Variants in LINGO2 observed in about 807,000 individuals in gnomAD.
LINGO2 encodes leucine rich repeat and Ig domain containing 2, also known as leucine-rich repeat and immunoglobulin-like domain-containing nogo receptor-interacting protein 2.
LINGO2 carries 14 observed loss-of-function variants against 30.6 expected under a neutral mutation model. The observed-to-expected ratio is 0.46, with a 90% CI of 0.30 to 0.72. LINGO2 has a LOEUF of 0.72. Ranked by LOEUF, LINGO2 falls within the 30% of genes least tolerant of loss-of-function variation. LINGO2 has a pLI of 0.07. For missense variants in LINGO2, 729 were observed against 751.7 expected (o/e 0.97, Z 0.35); for synonymous variants, 317 against 288.5 (o/e 1.10, Z -1.00).
intron 1 of LINGO2, among the ~76,000 whole-genome samples, chr9:28,568,336 TG>T (rs1221894153): frequency 2.0e-5 from 3 of 151,658 alleles, no homozygotes; most frequent in Non-Finnish European, 4.4e-5. Flanking sequence ...GGGTAGAGGG[TG>T]GGGTGAGGGA....
chr9:28,419,285 G>GT (rs1823091911), intron 2 of LINGO2, among the ~76,000 whole-genome samples: 2 of 151,902 alleles, frequency 1.3e-5, no homozygotes, highest in Non-Finnish European at 1.5e-5. Context: ...TTGAATTTTT[G>GT]TTTTTTCTCA....
chr9:29,109,732 TG>T, the LINGO2 span, among the ~76,000 whole-genome samples: 1 of 152,238 alleles, frequency 6.6e-6, no homozygotes, highest in East Asian at 1.9e-4. Flanking sequence ...CTGTACCTTT[TG>T]CAACGCATAG....
At chr9:28,047,830 C>CAGA (rs1388788386) in intron 4 of LINGO2, among the ~76,000 whole-genome samples, 1 of 150,330 alleles carries the variant, frequency 6.7e-6, no homozygotes, top group Non-Finnish European at 1.5e-5. Flanking sequence ...TATAAATCTT[C>CAGA]AGAAGAATAA....
chr9:28,617,313 C>CTTTTTTTTTTTTTTTTTTTTTTTTTTT lies in LINGO2; in HGVS notation c.-365+52886_-365+52887insAAAAAAAAAAAAAAAAAAAAAAAAAAA, dbSNP rs1563867137. Among the ~76,000 whole-genome samples the CTTTTTTTTTTTTTTTTTTTTTTTTTTT allele has an allele frequency of 1.1e-3, 157 of 141,594 alleles. 1 individual carries two copies. The highest frequency in any genetic ancestry group is 3.9e-3 in the African/African-American group (138 of 35,404). 92.9% of individuals were successfully genotyped at this position (141,594 alleles called of 152,430 possible). A position where few individuals can be genotyped will look rare whatever the true frequency, so the allele number is the denominator to read the frequency against. ...CTTTCTTTTCTTTTCTTTTTTTTTT[C>CTTTTTTTTTTTTTTTTTTTTTTTTTTT]GAGACAGAGTCTCGCTCTGTCGCCC... is the stretch of plus-strand genomic sequence containing the variant. On this transcript the variant is annotated intron_variant, in intron 1 of 5. Coordinates refer to ENST00000379992, the Ensembl canonical transcript of LINGO2.
At chr9:28,001,641 AG>A (rs1324672762) in intron 5 of LINGO2, among the ~76,000 whole-genome samples, 1 of 152,188 alleles carries the variant, frequency 6.6e-6, no homozygotes, top group Non-Finnish European at 1.5e-5. Context: ...TCCGGGGAAA[AG>A]ATAGGACCAT....
chr9:28,200,730 A>C (rs1820199719), intron 4 of LINGO2, among the ~76,000 whole-genome samples: 1 of 152,170 alleles, frequency 6.6e-6, no homozygotes, highest in Admixed American at 6.5e-5. Context: ...ATAAATAAGT[A>C]CCCTCCAGTC....
chr9:29,199,745 T>C, the LINGO2 span, among the ~76,000 whole-genome samples: 1 of 152,124 alleles, frequency 6.6e-6, no homozygotes, highest in Non-Finnish European at 1.5e-5. Context: ...TATTCTCTAA[T>C]AGTAAATGAA....
At chr9:29,172,041 T>C in the LINGO2 span, among the ~76,000 whole-genome samples, 2 of 151,922 alleles carry the variant, frequency 1.3e-5, no homozygotes, top group East Asian at 1.9e-4. Context: ...AAACAGTGTA[T>C]ATTTGACCAA....
intron 3 of LINGO2, among the ~76,000 whole-genome samples, chr9:28,303,897 G>C (rs535012386): frequency 6.6e-6 from 1 of 151,992 alleles, no homozygotes; most frequent in Non-Finnish European, 1.5e-5. Context: ...AACTTTTACT[G>C]ACAAAAATCC....
At chr9:29,099,832 G>A in the LINGO2 span, among the ~76,000 whole-genome samples, 6 of 148,876 alleles carry the variant, frequency 4.0e-5, no homozygotes, top group South Asian at 2.1e-4. Flanking sequence ...AGGTTACTCC[G>A]AAAACTAACA....
chr9:28,728,555 T>A, the LINGO2 span, among the ~76,000 whole-genome samples: 1 of 151,962 alleles, frequency 6.6e-6, no homozygotes, highest in Non-Finnish European at 1.5e-5. Flanking sequence ...TAAAATAAAC[T>A]GTAAAAGTTG....
chr9:28,738,842 A>G, the LINGO2 span, among the ~76,000 whole-genome samples: 1 of 152,088 alleles, frequency 6.6e-6, no homozygotes, highest in South Asian at 2.1e-4. Flanking sequence ...TTTTAAGTAA[A>G]TATATTTGAT....
At chr9:28,861,720 C>A in the LINGO2 span, among the ~76,000 whole-genome samples, 1 of 151,922 alleles carries the variant, frequency 6.6e-6, no homozygotes, top group African/African-American at 2.4e-5. Flanking sequence ...GCTATGATTG[C>A]ACCACTGCAC....
At chr9:28,334,670 A>AC (rs1181509517) in intron 3 of LINGO2, among the ~76,000 whole-genome samples, 1 of 152,162 alleles carries the variant, frequency 6.6e-6, no homozygotes, top group African/African-American at 2.4e-5. Context: ...TCCTATGCTT[A>AC]CTGGAACCAT....
At chr9:28,608,304 TA>T (rs537728593) in intron 1 of LINGO2, among the ~76,000 whole-genome samples, 23 of 152,040 alleles carry the variant, frequency 1.5e-4, no homozygotes, top group Non-Finnish European at 2.5e-4. Context: ...AATCTTTTAT[TA>T]AAAATAAATT....
the LINGO2 span, among the ~76,000 whole-genome samples, chr9:28,722,983 T>C: frequency 2.0e-5 from 3 of 152,124 alleles, no homozygotes; most frequent in African/African-American, 7.2e-5. Context: ...GAGGAGCTTT[T>C]AGGGCTGGCT....
intron 2 of LINGO2, among the ~76,000 whole-genome samples, chr9:28,446,920 A>C (rs1206927435): frequency 1.3e-5 from 2 of 152,232 alleles, no homozygotes; most frequent in Non-Finnish European, 1.5e-5. Context: ...TCTGCCCTGC[A>C]GTCACACTGG....
chr9:28,699,756 G>A, the LINGO2 span, among the ~76,000 whole-genome samples: 6 of 151,988 alleles, frequency 3.9e-5, no homozygotes, highest in African/African-American at 1.4e-4. Context: ...GTATTCCTGG[G>A]GGGAGGTCTA....
chr9:28,123,062 G>A (rs892784883), intron 4 of LINGO2, among the ~76,000 whole-genome samples: 6 of 152,044 alleles, frequency 3.9e-5, no homozygotes, highest in African/African-American at 1.4e-4. Flanking sequence ...TAAGTTATGT[G>A]TCAACATTTT....
Sources: allele counts gnomAD v4.1 joint callset (sites outside exome capture counted in the v4.1 genomes callset), GRCh38; gene constraint gnomAD v4.1.1; transcripts MANE v1.5; gene names NCBI Gene and HGNC (gene_info 2026-07-23, HGNC 2026-07-21).